Variants in CCDC57 observed in about 807,000 individuals in gnomAD.
CCDC57 encodes the protein coiled-coil domain containing 57.
CCDC57 carries 118 observed loss-of-function variants against 118.9 expected under a neutral mutation model. The observed-to-expected ratio is 0.99, with a 90% CI of 0.86 to 1.16. CCDC57 has a LOEUF of 1.16. Ranked by LOEUF, CCDC57 falls within the 50% of genes most tolerant of loss-of-function variation. The pLI, the probability that CCDC57 is intolerant of heterozygous loss-of-function variation, is 0.00. For missense variants in CCDC57, 1,300 were observed against 1,320.7 expected (o/e 0.98, Z 0.24); for synonymous variants, 527 against 532.9 (o/e 0.99, Z 0.15).
chr17:82,198,264 G>T, intron 4 of CCDC57, 50 bp downstream of exon 3: 1 of 1,087,916 alleles, frequency 9.2e-7, no homozygotes, highest in Non-Finnish European at 1.4e-6. Flanking sequence ...CAGTTTCACA[G>T]TGGGCAGGCA....
chr17:82,186,459 CCCCG>C (rs1288642002), intron 8 of CCDC57, among the ~76,000 whole-genome samples: 4 of 152,118 alleles, frequency 2.6e-5, no homozygotes, highest in Non-Finnish European at 5.9e-5. Flanking sequence ...ACAGAGGTCG[CCCCG>C]CACACCGACC....
intron 9 of CCDC57, 141 bp downstream of exon 8, chr17:82,183,629 TTCTA>T: frequency 1.3e-6 from 1 of 799,530 alleles, no homozygotes; most frequent in Non-Finnish European, 1.9e-6. Context: ...TGACCAGACA[TTCTA>T]TCTGTCTTGT....
chr17:82,209,225 T>C (rs1305081331), intron 1 of CCDC57, among the ~76,000 whole-genome samples: 1 of 152,086 alleles, frequency 6.6e-6, no homozygotes, highest in Admixed American at 6.5e-5. Context: ...CGAAGGAACA[T>C]GAAGGGCTGT....
At chr17:82,122,878 G>A (rs1469760966) in intron 19 of CCDC57, among the ~76,000 whole-genome samples, 2 of 152,052 alleles carry the variant, frequency 1.3e-5, no homozygotes, top group Middle Eastern at 3.2e-3. Context: ...TCATAAATAC[G>A]GCCTCTTTTC....
intron 13 of CCDC57, among the ~76,000 whole-genome samples, chr17:82,166,571 C>CT: frequency 6.6e-6 from 1 of 152,104 alleles, no homozygotes; most frequent in Middle Eastern, 3.4e-3. Context: ...TTAATACACT[C>CT]TAAAACTTAT....
chr17:82,198,343 G>A, exon 4 of CCDC57: 1 of 1,613,430 alleles, frequency 6.2e-7, no homozygotes, highest in South Asian at 1.1e-5. Flanking sequence ...TCACCGTCGA[G>A]CTCCTCAAGT....
chr17:82,113,120 C>T, intron 19 of CCDC57: 1 of 479,524 alleles, frequency 2.1e-6, no homozygotes, highest in Non-Finnish European at 3.7e-6. Flanking sequence ...ACTACAATTT[C>T]AAGAAAAGAG....
intron 16 of CCDC57, chr17:82,145,907 G>A (rs1314172054): frequency 1.0e-5 from 4 of 397,832 alleles, no homozygotes; most frequent in Non-Finnish European, 1.6e-5. Flanking sequence ...AGTGTCACCA[G>A]AGCACAGGGG....
At chr17:82,165,913 T>G (rs776576681) in intron 13 of CCDC57, among the ~76,000 whole-genome samples, 2 of 152,152 alleles carry the variant, frequency 1.3e-5, no homozygotes, top group Non-Finnish European at 2.9e-5. Flanking sequence ...CCAGAAAGGC[T>G]GACTACCTGA....
chr17:82,123,982 CAAAAAAAAA>C (rs200031813), intron 19 of CCDC57, among the ~76,000 whole-genome samples: 1 of 64,306 alleles, frequency 1.6e-5, no homozygotes, highest in East Asian at 5.1e-4. Context: ...CATCCAAAAG[CAAAAAAAAA>C]AAAAAAAAAA....
intron 3 of CCDC57, among the ~76,000 whole-genome samples, chr17:82,199,614 G>C (rs4789720): frequency 0.47 from 71,031 of 151,940 alleles, 17,399 homozygotes; most frequent in East Asian, 0.88. Flanking sequence ...AAAGGATGCT[G>C]TAAACACTCT....
At chr17:82,146,200 C>T (rs1262136093) in intron 16 of CCDC57, among the ~76,000 whole-genome samples, 4 of 152,144 alleles carry the variant, frequency 2.6e-5, no homozygotes, top group Non-Finnish European at 5.9e-5. Context: ...CCTGGCTGGA[C>T]GGCTGTCCCA....
At chr17:82,140,835 G>A (rs1464845404) in intron 16 of CCDC57, among the ~76,000 whole-genome samples, 1 of 152,172 alleles carries the variant, frequency 6.6e-6, no homozygotes, top group Non-Finnish European at 1.5e-5. Context: ...TGCATCTGGA[G>A]GGCATTGCCT....
At chr17:82,186,166 A>G (rs1426407620) in intron 8 of CCDC57, among the ~76,000 whole-genome samples, 1 of 152,138 alleles carries the variant, frequency 6.6e-6, no homozygotes, top group African/African-American at 2.4e-5. Context: ...GATCCGAATG[A>G]TAGCTGAACT....
At chr17:82,123,022 C>A (rs2036921976) in intron 19 of CCDC57, among the ~76,000 whole-genome samples, 1 of 152,108 alleles carries the variant, frequency 6.6e-6, no homozygotes, top group Non-Finnish European at 1.5e-5. Flanking sequence ...CAGTGACCTT[C>A]ACCTTGCAAA....
At chr17:82,110,825 G>T (rs991814489) in intron 19 of CCDC57, among the ~76,000 whole-genome samples, 4 of 152,078 alleles carry the variant, frequency 2.6e-5, no homozygotes, top group Admixed American at 6.5e-5. Context: ...AGGAGTTGGA[G>T]ACCAGCCTGA....
At chr17:82,123,850 T>TAAAGC (rs1450077525) in intron 19 of CCDC57, among the ~76,000 whole-genome samples, 1 of 152,082 alleles carries the variant, frequency 6.6e-6, no homozygotes, top group Non-Finnish European at 1.5e-5. Context: ...GAGACATGGT[T>TAAAGC]AAAGCAAAGC....
At chr17:82,171,296 A>C (rs184657043) in intron 13 of CCDC57, among the ~76,000 whole-genome samples, 104 of 145,296 alleles carry the variant, frequency 7.2e-4, no homozygotes, top group African/African-American at 2.6e-3. Flanking sequence ...TGCAGTGAGG[A>C]GCCAGGGCAC....
intron 19 of CCDC57, among the ~76,000 whole-genome samples, chr17:82,110,296 A>G (rs1336593137): frequency 1.3e-5 from 2 of 152,162 alleles, no homozygotes; most frequent in African/African-American, 4.8e-5. Context: ...CTGTATTTTA[A>G]AAGGTAAGAC....
Sources: allele counts gnomAD v4.1 joint callset (sites outside exome capture counted in the v4.1 genomes callset), GRCh38; gene constraint gnomAD v4.1.1; transcripts MANE v1.5; gene names NCBI Gene and HGNC (gene_info 2026-07-23, HGNC 2026-07-21).